Variants in ANKS1B observed in about 807,000 individuals in gnomAD.
ANKS1B encodes ankyrin repeat and sterile alpha motif domain containing 1B, also known as ankyrin repeat and sterile alpha motif domain-containing protein 1B.
A neutral mutation model predicts 148.3 loss-of-function variants in ANKS1B; 36 were observed. The ratio of observed to expected loss-of-function variants is 0.24; its 90% CI spans 0.19 to 0.32. The LOEUF (loss-of-function observed/expected upper bound fraction) is 0.32, where lower values mean the gene tolerates loss of function less well. Ranked by LOEUF, ANKS1B falls within the 10% of genes least tolerant of loss-of-function variation. ANKS1B has a pLI of 1.00. For missense variants in ANKS1B, 1,157 were observed against 1,542.6 expected (o/e 0.75, Z 4.19); for synonymous variants, 542 against 560.8 (o/e 0.97, Z 0.47).
rs370625086 is a variant in ANKS1B at position 99,580,997 on chromosome 12, C to G, written c.1272+74070G>C. 3.0e-4 allele frequency among the ~76,000 whole-genome samples: 46 copies of G among 152,176 alleles called. No individual in the cohort carries two copies. In the East Asian group the frequency reaches 5.4e-3, roughly 18 times the overall value. On this transcript the variant is annotated intron_variant, in intron 9 of 26. Coordinates refer to ENST00000683438, the MANE Select transcript of ANKS1B (RefSeq NM_001352186.2). ...TCCAAATTGACCTATATATTCAGTGCAATCACAGTAAATACCCCAGGATTT... is the reference window on the plus strand; with the variant it reads ...TCCAAATTGACCTATATATTCAGTGGAATCACAGTAAATACCCCAGGATTT...
intron 1 of ANKS1B, among the ~76,000 whole-genome samples, chr12:99,979,723 C>CAT (rs2095670655): frequency 6.6e-6 from 1 of 152,052 alleles, no homozygotes; most frequent in Admixed American, 6.6e-5. Context: ...AAAAGAATGC[C>CAT]ATACACTTAA....
intron 14 of ANKS1B, among the ~76,000 whole-genome samples, chr12:99,186,625 C>T (rs955104056): frequency 1.1e-4 from 16 of 152,124 alleles, no homozygotes; most frequent in Non-Finnish European, 1.6e-4. Flanking sequence ...CCAGCAAACT[C>T]CAGTAGACCT....
At chr12:99,387,505 A>G (rs944835668) in intron 12 of ANKS1B, among the ~76,000 whole-genome samples, 7 of 151,846 alleles carry the variant, frequency 4.6e-5, no homozygotes. Context: ...AGTCCCAGCT[A>G]CTCGGGAGGC....
At position 99,301,315 on chromosome 12, in the gene ANKS1B, G is replaced by A. The variant is rs192111094; in HGVS notation, c.1757-54451C>T. Among the ~76,000 whole-genome samples the A allele has an allele frequency of 2.3e-3, 351 of 152,162 alleles. 2 individuals are homozygous for A. The highest frequency in any genetic ancestry group is 8.1e-3 in the African/African-American group (338 of 41,498). ...CACAGAAATGTTTACCAGCTCTCTG[G>A]GATCTCTTGGCCCTGTCGAGTTGAC... On this transcript the variant is annotated intron_variant, in intron 12 of 26. Transcript: ENST00000683438.
chr12:99,725,328 A>C (rs561693754), intron 8 of ANKS1B, among the ~76,000 whole-genome samples: 2 of 152,262 alleles, frequency 1.3e-5, no homozygotes, highest in Admixed American at 1.3e-4. Flanking sequence ...CAAGCAAATG[A>C]AAAGCAAAAA....
At chr12:99,191,846 A>G (rs190255871) in intron 14 of ANKS1B, among the ~76,000 whole-genome samples, 138 of 152,278 alleles carry the variant, frequency 9.1e-4, no homozygotes, top group Admixed American at 8.9e-3. Flanking sequence ...GTATAATAAA[A>G]GAATTGGCTG....
chr12:98,746,363 C>T (rs2097892845), intron 26 of ANKS1B, among the ~76,000 whole-genome samples: 1 of 152,198 alleles, frequency 6.6e-6, no homozygotes, highest in Non-Finnish European at 1.5e-5. Context: ...GCCAAGCCCA[C>T]GCCCAGGGCC....
At chr12:99,978,334 G>C (rs1295103212) in intron 1 of ANKS1B, among the ~76,000 whole-genome samples, 1 of 152,182 alleles carries the variant, frequency 6.6e-6, no homozygotes, top group East Asian at 1.9e-4. Flanking sequence ...ATCACCCTCA[G>C]TGTTTTGAAA....
At chr12:99,336,720 G>A (rs900143802) in intron 12 of ANKS1B, among the ~76,000 whole-genome samples, 2 of 151,986 alleles carry the variant, frequency 1.3e-5, no homozygotes, top group East Asian at 1.9e-4. Flanking sequence ...TGTTCCATGT[G>A]TTGGTTTTTA....
intron 8 of ANKS1B, among the ~76,000 whole-genome samples, chr12:99,663,182 T>A (rs1354014658): frequency 6.6e-6 from 1 of 152,118 alleles, no homozygotes; most frequent in Non-Finnish European, 1.5e-5. Context: ...TCCAAAGCTA[T>A]GATAGTATTA....
intron 2 of ANKS1B, among the ~76,000 whole-genome samples, chr12:99,825,085 G>T (rs931060686): frequency 6.6e-6 from 1 of 152,148 alleles, no homozygotes; most frequent in African/African-American, 2.4e-5. Context: ...AGTGTGATAG[G>T]TTGAGTATTT....
At chr12:99,038,204 A>C (rs1395815260) in intron 17 of ANKS1B, among the ~76,000 whole-genome samples, 2 of 152,138 alleles carry the variant, frequency 1.3e-5, no homozygotes, top group East Asian at 3.9e-4. Flanking sequence ...GATTTCTAGA[A>C]ATGTGTGCTA....
At chr12:99,888,969 A>AACACACACACACACAC (rs6144833) in intron 1 of ANKS1B, among the ~76,000 whole-genome samples, 4,010 of 147,230 alleles carry the variant, frequency 0.027, 162 homozygotes, top group African/African-American at 0.084. Context: ...CCTTCGCCAA[A>AACACACACACACACAC]ACACACACAC....
intron 9 of ANKS1B, among the ~76,000 whole-genome samples, chr12:99,520,294 G>A (rs2096862478): frequency 6.6e-6 from 1 of 152,004 alleles, no homozygotes; most frequent in African/African-American, 2.4e-5. Context: ...GGTTTGTCTG[G>A]GAAGATCTTT....
chr12:99,859,436 C>T (rs1343138413), intron 1 of ANKS1B, among the ~76,000 whole-genome samples: 1 of 152,156 alleles, frequency 6.6e-6, no homozygotes, highest in African/African-American at 2.4e-5. Flanking sequence ...CTTTGAGGTA[C>T]TGTTAGCTTT....
intron 10 of ANKS1B, among the ~76,000 whole-genome samples, chr12:99,498,708 A>T (rs972703840): frequency 2.8e-4 from 43 of 152,208 alleles, no homozygotes; most frequent in African/African-American, 1.0e-3. Context: ...ATAAGTGCTT[A>T]TTGAATGGAT....
chr12:99,175,710 C>T (rs2078302198), intron 14 of ANKS1B, among the ~76,000 whole-genome samples: 1 of 152,172 alleles, frequency 6.6e-6, no homozygotes, highest in Admixed American at 6.5e-5. Flanking sequence ...CCGCATAGTA[C>T]CATCACCAGA....
chr12:99,550,393 G>A (rs923627544), intron 9 of ANKS1B, among the ~76,000 whole-genome samples: 6 of 152,126 alleles, frequency 3.9e-5, no homozygotes, highest in Non-Finnish European at 7.3e-5. Flanking sequence ...GGAGGCTGAG[G>A]CAGGCAGATC....
intron 14 of ANKS1B, chr12:99,155,178 G>T (rs1338551939): frequency 1.5e-6 from 2 of 1,365,676 alleles, no homozygotes; most frequent in African/African-American, 1.5e-5. Flanking sequence ...CTCACGACAG[G>T]TTCCCTTTCT....
Sources: allele counts gnomAD v4.1 joint callset (sites outside exome capture counted in the v4.1 genomes callset), GRCh38; gene constraint gnomAD v4.1.1; transcripts MANE v1.5; gene names NCBI Gene and HGNC (gene_info 2026-07-23, HGNC 2026-07-21).